The following EBP variants were observed in gnomAD, a reference collection of about 807,000 sequenced individuals.
The protein encoded by EBP is EBP cholestenol delta-isomerase, also known as 3-beta-hydroxysteroid-Delta(8),Delta(7)-isomerase.
EBP carries 1 observed loss-of-function variant against 14.1 expected under a neutral mutation model. The ratio of observed to expected loss-of-function variants is 0.07; its 90% confidence interval spans 0.03 to 0.34. EBP has a LOEUF of 0.34. Among genes scored for constraint, EBP ranks in the 10% least tolerant of loss-of-function variants. The pLI, the probability that EBP is intolerant of heterozygous loss-of-function variation, is 0.99. For synonymous variants in EBP, 72 were observed against 77.7 expected, an observed-to-expected ratio of 0.93 and a Z score of 0.38; for missense variants, 123 against 184.6, an observed-to-expected ratio of 0.67 and a Z score of 1.93.
chrX:48,523,165 G>A (rs1416817188), intron 1 of EBP, among the ~76,000 whole-genome samples: 4 of 112,123 alleles, frequency 3.6e-5, no homozygotes, highest in East Asian at 5.6e-4. Flanking sequence ...TGCCCAGGCC[G>A]GACTTGAATT....
chrX:48,524,994 C>G (rs2061774933), intron 2 of EBP, among the ~76,000 whole-genome samples: 1 of 111,838 alleles, frequency 8.9e-6, no homozygotes, highest in Non-Finnish European at 1.9e-5. Flanking sequence ...CGTGCCCAGC[C>G]TTATTTAACT....
At chrX:48,526,519 T>C (rs1015963352) in intron 2 of EBP, among the ~76,000 whole-genome samples, 13 of 110,609 alleles carry the variant, frequency 1.2e-4, no homozygotes, top group African/African-American at 4.3e-4. Context: ...TTTATAGAGT[T>C]GGGGGTCTCA....
rs1556976586 is a variant in EBP at position 48,521,846 on chromosome X, C to G, written c.-135C>G. The G allele has an allele frequency of 8.8e-6, 1 of 113,804 alleles. No individual in the cohort carries two copies. Among genetic ancestry groups the G allele is most frequent in the African/African-American group, 3.2e-5 (1 of 31,267 alleles). The allele number at this position is 113,804 out of a possible 1,213,427, so 9.4% of individuals were successfully genotyped here. On this transcript the variant is annotated 5_prime_UTR_variant, in exon 1 of 5. Coordinates refer to ENST00000495186, the MANE Select transcript of EBP (RefSeq NM_006579.3). ...CCCGAACTAGGGATGTGACAGAGCG[C>G]GAGACCCAGCCTAAAGAGAGCCCGG...
Position 48,527,297 on chromosome X carries a change from G to A in EBP, c.469+12G>A, listed in dbSNP as rs185692210. 6 of 1,208,896 alleles carry A rather than the reference G, an allele frequency of 5.0e-6. No homozygotes were observed. The East Asian group carries it at 1.5e-4, about 30-fold the overall frequency. ...TGTGGTCTCTGTGGGTAAGGAAAGG[G>A]CACTAGAGGGGCACTGGGCACTAGA... On this transcript the variant is annotated intron_variant, in intron 4 of 4. Transcript: ENST00000495186.
At chrX:48,528,132 T>G in intron 4 of EBP, 102 bp from the exon 5 acceptor site, 6 of 671,302 alleles carry the variant, frequency 8.9e-6, no homozygotes, top group Non-Finnish European at 1.1e-5. Flanking sequence ...TACTTAGCTC[T>G]GAGACCTTGA....
At chrX:48,524,331 A>G (rs1215325042) in intron 2 of EBP, 3 of 240,788 alleles carry the variant, frequency 1.2e-5, no homozygotes, top group Admixed American at 5.9e-5. Flanking sequence ...CATCTCTACT[A>G]AAAATACAAA....
chrX:48,527,349 A>C, intron 4 of EBP, 64 bp downstream of exon 4: 2 of 1,202,510 alleles, frequency 1.7e-6, no homozygotes, highest in Non-Finnish European at 2.2e-6. Flanking sequence ...CCACAGACAC[A>C]GATGTATCCC....
intron 1 of EBP, 74 bp downstream of exon 1, chrX:48,521,981 A>G (rs1228375446): frequency 3.3e-5 from 3 of 89,760 alleles, no homozygotes; most frequent in African/African-American, 1.4e-4. Context: ...TCGGCGTGCC[A>G]GCGCGAGACC....
chrX:48,525,354 C>A (rs2061775913), intron 2 of EBP, among the ~76,000 whole-genome samples: 2 of 111,320 alleles, frequency 1.8e-5, no homozygotes, highest in South Asian at 7.5e-4. Flanking sequence ...TCTTTCCTTA[C>A]AAGAAAACCA....
chrX:48,527,376 C>G, intron 4 of EBP, 91 bp downstream of exon 4: 1 of 1,175,285 alleles, frequency 8.5e-7, no homozygotes, highest in Non-Finnish European at 1.2e-6. Context: ...TGGGATCTCT[C>G]AACGGTGCCC....
chrX:48,525,570 C>A (rs1377288449), intron 2 of EBP, among the ~76,000 whole-genome samples: 1 of 107,679 alleles, frequency 9.3e-6, no homozygotes, highest in East Asian at 3.0e-4. Context: ...TAAGAGATGG[C>A]GTCTTGCTTT....
chrX:48,523,193 C>T (rs938675474), intron 1 of EBP, among the ~76,000 whole-genome samples: 35 of 112,254 alleles, frequency 3.1e-4, no homozygotes, highest in African/African-American at 1.1e-3. Context: ...TCAGGTGCTG[C>T]TCCTGCATCA....
At chrX:48,523,553 GAA>G (rs782437115) in intron 1 of EBP, 144 bp from the exon 2 acceptor site, 908 of 268,458 alleles carry the variant, frequency 3.4e-3, no homozygotes, top group Middle Eastern at 4.5e-3. Context: ...GACTCCGTCT[GAA>G]AAAAAAAAAA....
chrX:48,526,885 G>T, intron 2 of EBP, 104 bp from the exon 3 acceptor site: 1 of 923,649 alleles, frequency 1.1e-6, no homozygotes. Context: ...GCAGACGCAT[G>T]GGAAGGTTAT....
chrX:48,527,456 C>A, intron 4 of EBP, 171 bp downstream of exon 4: 1 of 760,177 alleles, frequency 1.3e-6, no homozygotes, highest in Non-Finnish European at 1.9e-6. Context: ...TTCTCTGAGC[C>A]TGCACTCTCA....
In EBP at chrX:48,528,319, C is replaced by T. The variant is rs782008141; in HGVS notation, c.555C>T (p.Phe185=). The part of the protein sequence containing the change: ...QHGELGHPLY[F]WFYFVFMNAL... ...GAGAGCTGGGCCACCCTCTCTACTT[C>T]TGGTTTTACTTTGTCTTCATGAATG... Residue 185 remains phenylalanine (F), a synonymous_variant, in exon 5 of 5, where the codon TTC becomes TTT. Coordinates refer to ENST00000495186, the MANE Select transcript of EBP (RefSeq NM_006579.3). The T allele has an allele frequency of 4.6e-5, 56 of 1,209,187 alleles. 1 individual carries two copies. The South Asian group carries it at 9.4e-4, about 20-fold the overall frequency.
intron 2 of EBP, 33 bp downstream of exon 2, chrX:48,524,105 T>C (rs1569479615): frequency 8.6e-7 from 1 of 1,165,218 alleles, no homozygotes; most frequent in East Asian, 3.0e-5. Context: ...TGCTGTGGGA[T>C]GGGATTTGCT....
chrX:48,526,920 C>G, intron 2 of EBP, 69 bp from the exon 3 acceptor site: 1 of 1,160,123 alleles, frequency 8.6e-7, no homozygotes, highest in Non-Finnish European at 1.2e-6. Flanking sequence ...TGCAGGGACC[C>G]CCAGCTCTCA....
chrX:48,526,886 G>A (rs1556977520), intron 2 of EBP, 103 bp from the exon 3 acceptor site: 6 of 929,595 alleles, frequency 6.5e-6, no homozygotes, highest in Non-Finnish European at 7.8e-6. Context: ...CAGACGCATG[G>A]GAAGGTTATG....
Sources: allele counts gnomAD v4.1 joint callset (sites outside exome capture counted in the v4.1 genomes callset), GRCh38; gene constraint gnomAD v4.1.1; transcripts MANE v1.5; gene names NCBI Gene and HGNC (gene_info 2026-07-23, HGNC 2026-07-21).